Variants in RBM48 observed in about 807,000 individuals in gnomAD.
RBM48 encodes RNA-binding protein 48.
Under a neutral mutation model 34.8 loss-of-function variants are expected in RBM48, and 32 were observed. That is an observed-to-expected ratio of 0.92 (90% CI 0.69 to 1.23). The LOEUF (loss-of-function observed/expected upper bound fraction) is 1.23. Among genes scored for constraint, RBM48 ranks in the 50% most tolerant of loss-of-function variants. The probability of loss-of-function intolerance (pLI) is 0.00; values close to 1 mark genes in which losing one functional copy is unlikely to be tolerated. For missense variants in RBM48, 441 were observed against 447.2 expected (o/e 0.99, Z 0.12); for synonymous variants, 151 against 156.2 (o/e 0.97, Z 0.25).
intron 1 of RBM48, 57 bp downstream of exon 1, chr7:92,528,981 C>A: frequency 8.3e-7 from 1 of 1,208,288 alleles, no homozygotes; most frequent in South Asian, 1.3e-5. Context: ...AGTGCTAGCG[C>A]CATATGACCA....
intron 2 of RBM48, among the ~76,000 whole-genome samples, chr7:92,530,002 C>A (rs1401494554): frequency 6.7e-6 from 1 of 148,320 alleles, no homozygotes; most frequent in Non-Finnish European, 1.5e-5. Flanking sequence ...CATGGTGAAA[C>A]CCCCCTCTCT....
At position 92,538,247 on chromosome 7, in the gene RBM48, T is replaced by G. The variant is rs1224937936; in HGVS notation, c.*1310T>G. Among the ~76,000 whole-genome samples the G allele has an allele frequency of 1.3e-5, 2 of 151,994 alleles. No homozygotes were observed. Among genetic ancestry groups the G allele is most frequent in the East Asian group, 3.9e-4 (2 of 5,194 alleles). ...CCTGAAGAAAAAGTTCCTGGTCCTTTTAAGGGCTTACAACTGTAAGAGGGT... is the reference window on the plus strand; with the variant it reads ...CCTGAAGAAAAAGTTCCTGGTCCTTGTAAGGGCTTACAACTGTAAGAGGGT... On this transcript the variant is annotated 3_prime_UTR_variant, in exon 5 of 5. Coordinates refer to ENST00000265732, the MANE Select transcript of RBM48 (RefSeq NM_032120.4).
intron 3 of RBM48, 189 bp from the exon 4 acceptor site, chr7:92,534,213 C>CTA (rs535165004): frequency 5.9e-4 from 462 of 783,662 alleles, no homozygotes; most frequent in Non-Finnish European, 8.5e-4. Context: ...ACACTTGATG[C>CTA]TATATATCTT....
At chr7:92,532,353 T>C in intron 2 of RBM48, 51 bp from the exon 3 acceptor site, 1 of 1,515,772 alleles carries the variant, frequency 6.6e-7, no homozygotes, top group Non-Finnish European at 9.0e-7. Context: ...TAAGCTTTCA[T>C]CCCAAGTAAA....
chr7:92,535,227 A>G (rs1793681801), intron 4 of RBM48: 4 of 1,373,284 alleles, frequency 2.9e-6, no homozygotes, highest in African/African-American at 3.0e-5. Flanking sequence ...GGTTTCAGCC[A>G]ATTAAATCAA....
chr7:92,538,342 A>G lies in RBM48; in HGVS notation c.*1405A>G, dbSNP rs993040025. Among the ~76,000 whole-genome samples the G allele has an allele frequency of 6.6e-6, 1 of 152,124 alleles. No homozygotes were observed. The highest frequency in any genetic ancestry group is 1.5e-5 in the Non-Finnish European group (1 of 68,012). On this transcript the variant is annotated 3_prime_UTR_variant, in exon 5 of 5. Transcript: ENST00000265732. ...AACACATGGTTAGAGTTGGGGGGTTAATCTTTAACCTCAGGCCTGGTCAGT... is the reference window on the plus strand; with the variant it reads ...AACACATGGTTAGAGTTGGGGGGTTGATCTTTAACCTCAGGCCTGGTCAGT...
rs1793592330 is a variant in RBM48, at chr7:92,532,243, C to G, written c.303-161C>G. On this transcript the variant is annotated intron_variant, in intron 2 of 4. Coordinates refer to ENST00000265732, the MANE Select transcript of RBM48 (RefSeq NM_032120.4). ...ACATACTCGATCAATGGGATGAATA[C>G]TGTCCACAAGCAGAGCATCTTAATT... is the stretch of plus-strand genomic sequence containing the variant. Among the ~76,000 whole-genome samples the G allele has an allele frequency of 2.0e-5, 3 of 152,180 alleles. No homozygotes were observed. The South Asian group carries it at 6.2e-4, about 31-fold the overall frequency.
chr7:92,532,847 G>A (rs557015350), intron 3 of RBM48, among the ~76,000 whole-genome samples: 2 of 152,336 alleles, frequency 1.3e-5, no homozygotes, highest in South Asian at 2.1e-4. Context: ...ATGTTTAAAT[G>A]TTTAGAGGAA....
At position 92,534,898 on chromosome 7, in the gene RBM48, C is replaced by T. The variant is rs1793671821; in HGVS notation, c.945C>T (p.Asp315=). 1 of 1,614,114 alleles carries T rather than the reference C, an allele frequency of 6.2e-7. No homozygotes were observed. The change falls in exon 4 of 5, where the codon GAC becomes GAT. Residue 315 remains aspartate (D), a synonymous_variant. Transcript: ENST00000265732. ...TTATGATTGGACCTCTGTTACCAGA[C>T]ATCTCTAAAGTGGATATGCACGATG... The part of the protein sequence containing the change: ...NEIMIGPLLP[D]ISKVDMHDDS...
Position 92,532,517 on chromosome 7 carries a change from A to G in RBM48, c.416A>G (p.Lys139Arg). Residue 139 changes from lysine to arginine, a missense_variant, in exon 3 of 5, where the codon AAG becomes AGG. By Grantham distance (26) the Lys-to-Arg change is conservative. Coordinates refer to ENST00000265732, the MANE Select transcript of RBM48 (RefSeq NM_032120.4). ...EETRKKLQMRKAYVVKTTENK... is the reference protein window; with the variant it reads ...EETRKKLQMRRAYVVKTTENK... ...ACTAGAAAAAAACTACAAATGCGGA[A>G]GGCATATGTAGTAAAAACTACTGAA... 6.2e-7 allele frequency: 1 copy of G among 1,612,608 alleles called. No individual in the cohort carries two copies. The highest frequency in any genetic ancestry group is 8.5e-7 in the Non-Finnish European group (1 of 1,178,950).
In RBM48 at chr7:92,529,517, A is replaced by C; in HGVS notation, c.153A>C (p.Gln51His). ...INLESQYLLIQGVPAVGVMKE... is the reference protein window; with the variant it reads ...INLESQYLLIHGVPAVGVMKE... ...TGGAATCTCAGTACTTATTAATACA[A>C]GGAGTTCCTGCTGTGGGAGTCATGA... The change falls in exon 2 of 5, where the codon CAA (glutamine) becomes CAC (histidine). Residue 51 changes from glutamine to histidine, a missense_variant. Coordinates refer to ENST00000265732, the MANE Select transcript of RBM48 (RefSeq NM_032120.4). 1 of 1,610,048 alleles carries C rather than the reference A, an allele frequency of 6.2e-7. No individual in the cohort carries two copies. The highest frequency in any genetic ancestry group is 8.5e-7 in the Non-Finnish European group (1 of 1,177,316).
intron 2 of RBM48, among the ~76,000 whole-genome samples, chr7:92,530,795 C>CAA (rs577371763): frequency 0.028 from 3,661 of 128,536 alleles, 52 homozygotes; most frequent in Middle Eastern, 0.083. Flanking sequence ...GAGACTGTCT[C>CAA]AAAAAAAAAA....
rs1793669111 is a variant in RBM48 at position 92,534,837 on chromosome 7, G to A, written c.884G>A (p.Gly295Glu). Residue 295 changes from glycine to glutamate, a missense_variant, in exon 4 of 5, where the codon GGA (glycine) becomes GAA (glutamate). Physicochemically the swap from Gly to Glu is moderately conservative, Grantham distance 98. Coordinates refer to ENST00000265732, the MANE Select transcript of RBM48 (RefSeq NM_032120.4). ...KRRREDDRKL[G>E]TFLQTNPTGN... ...AGAAGAGAAGATGATCGTAAACTTGGAACTTTTCTTCAAACAAACCCAACT... is the reference window on the plus strand; with the variant it reads ...AGAAGAGAAGATGATCGTAAACTTGAAACTTTTCTTCAAACAAACCCAACT... The A allele has an allele frequency of 1.2e-6, 2 of 1,614,044 alleles. No individual in the cohort carries two copies. Among genetic ancestry groups the A allele is most frequent in the South Asian group, 2.2e-5 (2 of 91,076 alleles).
At position 92,534,425 on chromosome 7, in the gene RBM48, T is replaced by C; in HGVS notation, c.472T>C (p.Leu158=). 1 of 1,610,648 alleles carries C rather than the reference T, an allele frequency of 6.2e-7. No individual in the cohort carries two copies. Among genetic ancestry groups the C allele is most frequent in the South Asian group, 1.1e-5 (1 of 90,508 alleles). ...AGACCATTACGTGACAAAGAAGAAA[T>C]TGGTTACAGAGCATAAAGACACAGA... ...NKDHYVTKKK[L]VTEHKDTEDF... The change falls in exon 4 of 5, where the codon TTG becomes CTG. Residue 158 remains leucine (L), a synonymous_variant. Transcript: ENST00000265732.
At position 92,539,284 on chromosome 7, in the gene RBM48, G is replaced by A. The variant is rs976431707; in HGVS notation, c.*2347G>A. On this transcript the variant is annotated 3_prime_UTR_variant, in exon 5 of 5. Transcript: ENST00000265732. ...TTTTACACATTGCTTTTTACCACAC[G>A]TTTCCAGAAAGTTAAAATGCGGGGT... is the stretch of plus-strand genomic sequence containing the variant. Among the ~76,000 whole-genome samples, 12 of 152,170 alleles carry A rather than the reference G, an allele frequency of 7.9e-5. No homozygotes were observed. Among genetic ancestry groups the A allele is most frequent in the African/African-American group, 2.2e-4 (9 of 41,434 alleles).
intron 4 of RBM48, chr7:92,535,298 A>G (rs1254469171): frequency 6.6e-6 from 8 of 1,218,158 alleles, no homozygotes; most frequent in Non-Finnish European, 8.2e-6. Flanking sequence ...TAGTTCTAAT[A>G]TGAGCCAAAG....
chr7:92,530,571 G>A (rs1300459906), intron 2 of RBM48, among the ~76,000 whole-genome samples: 3 of 151,982 alleles, frequency 2.0e-5, no homozygotes, highest in Admixed American at 6.6e-5. Flanking sequence ...GGAGGTCGAG[G>A]TAGGTGGATC....
intron 1 of RBM48, 125 bp downstream of exon 1, chr7:92,529,049 G>A (rs182002460): frequency 1.5e-4 from 112 of 749,790 alleles, no homozygotes; most frequent in Non-Finnish European, 2.5e-4. Context: ...CGTTAGAGCT[G>A]GCGTGAAGAA....
chr7:92,530,091 C>T (rs1793520788), intron 2 of RBM48, among the ~76,000 whole-genome samples: 4 of 149,934 alleles, frequency 2.7e-5, no homozygotes, highest in Admixed American at 1.3e-4. Context: ...GCAGGAGAAT[C>T]GCTTGAAACC....
Sources: allele counts gnomAD v4.1 joint callset (sites outside exome capture counted in the v4.1 genomes callset), GRCh38; gene constraint gnomAD v4.1.1; transcripts MANE v1.5; gene names NCBI Gene and HGNC (gene_info 2026-07-23, HGNC 2026-07-21).